KLHL1: variants seen among roughly 807,000 people sequenced by gnomAD.
The protein encoded by KLHL1 is kelch like family member 1, also known as kelch-like protein 1.
KLHL1 carries 47 observed loss-of-function variants against 77.7 expected under a neutral mutation model. The observed-to-expected ratio is 0.60, with a 90% CI of 0.48 to 0.77. The LOEUF (loss-of-function observed/expected upper bound fraction) is 0.77. Ranked by LOEUF, KLHL1 falls within the 30% of genes least tolerant of loss-of-function variation. The probability of loss-of-function intolerance (pLI) is 0.00; values close to 1 mark genes in which losing one functional copy is unlikely to be tolerated. For missense variants in KLHL1, 925 were observed against 910.8 expected (o/e 1.02, Z -0.20); for synonymous variants, 360 against 325.2 (o/e 1.11, Z -1.15).
intron 3 of KLHL1, among the ~76,000 whole-genome samples, chr13:69,953,159 A>G (rs1035742742): frequency 6.6e-6 from 1 of 151,312 alleles, no homozygotes; most frequent in African/African-American, 2.4e-5. Context: ...AAATAAAATT[A>G]GACTTAAAAT....
intron 9 of KLHL1, among the ~76,000 whole-genome samples, chr13:69,716,269 T>A (rs1354452156): frequency 6.6e-6 from 1 of 152,130 alleles, no homozygotes; most frequent in Non-Finnish European, 1.5e-5. Flanking sequence ...TGAGGTTCAT[T>A]TTTCTTAGTG....
At chr13:70,029,068 A>G (rs1886026632) in intron 1 of KLHL1, among the ~76,000 whole-genome samples, 1 of 152,130 alleles carries the variant, frequency 6.6e-6, no homozygotes, top group Admixed American at 6.6e-5. Flanking sequence ...TAACCGCTAT[A>G]TAATGACTGT....
At chr13:70,076,665 A>T (rs1887276088) in intron 1 of KLHL1, among the ~76,000 whole-genome samples, 1 of 151,974 alleles carries the variant, frequency 6.6e-6, no homozygotes, top group African/African-American at 2.4e-5. Context: ...ATTAAAATTA[A>T]AACTTTCTCT....
chr13:69,920,464 G>T (rs1468645193), intron 4 of KLHL1, among the ~76,000 whole-genome samples: 1 of 151,912 alleles, frequency 6.6e-6, no homozygotes, highest in African/African-American at 2.4e-5. Context: ...GAAGAATTTG[G>T]CAAAGTTACT....
intron 6 of KLHL1, among the ~76,000 whole-genome samples, chr13:69,832,183 T>C (rs1193845617): frequency 6.7e-6 from 1 of 149,864 alleles, no homozygotes; most frequent in Non-Finnish European, 1.5e-5. Context: ...ATGATATGAT[T>C]GTATACCTAG....
At chr13:70,042,884 A>G (rs1225594572) in intron 1 of KLHL1, among the ~76,000 whole-genome samples, 1 of 152,250 alleles carries the variant, frequency 6.6e-6, no homozygotes, top group East Asian at 1.9e-4. Context: ...TGGAGGGGGA[A>G]GACAGTGATA....
intron 1 of KLHL1, among the ~76,000 whole-genome samples, chr13:70,081,181 C>A (rs1887382135): frequency 6.6e-6 from 1 of 152,160 alleles, no homozygotes; most frequent in South Asian, 2.1e-4. Flanking sequence ...CTGAAAGCCC[C>A]ATGTCTTGGG....
chr13:69,870,894 TG>T (rs1189383056), intron 5 of KLHL1, among the ~76,000 whole-genome samples: 1 of 152,084 alleles, frequency 6.6e-6, no homozygotes, highest in African/African-American at 2.4e-5. Context: ...GCAGCCCATG[TG>T]GCCGCTCTCA....
chr13:69,730,535 C>G (rs1203105144), intron 8 of KLHL1, among the ~76,000 whole-genome samples: 1 of 152,072 alleles, frequency 6.6e-6, no homozygotes, highest in African/African-American at 2.4e-5. Flanking sequence ...CTATTATCCT[C>G]TATTAGAATT....
chr13:69,713,721 T>A (rs919096798), intron 9 of KLHL1, among the ~76,000 whole-genome samples: 5 of 152,106 alleles, frequency 3.3e-5, no homozygotes, highest in African/African-American at 1.2e-4. Context: ...TTTTTCATAT[T>A]TTAGTTTATA....
chr13:69,814,445 TC>T (rs1878033407), intron 6 of KLHL1, among the ~76,000 whole-genome samples: 1 of 151,984 alleles, frequency 6.6e-6, no homozygotes, highest in Admixed American at 6.6e-5. Flanking sequence ...AAAGAAACTA[TC>T]AACAGAATAA....
intron 1 of KLHL1, among the ~76,000 whole-genome samples, chr13:70,087,543 TA>T (rs77258175): frequency 0.016 from 2,161 of 135,808 alleles, 16 homozygotes; most frequent in African/African-American, 0.031. Context: ...TAAAAGGACT[TA>T]AAAAAAAAAA....
At chr13:69,811,577 G>C (rs1389168129) in intron 6 of KLHL1, among the ~76,000 whole-genome samples, 1 of 152,046 alleles carries the variant, frequency 6.6e-6, no homozygotes, top group East Asian at 1.9e-4. Flanking sequence ...ACAAGACAAG[G>C]ATGTTCACTA....
chr13:69,751,739 A>G (rs1204813849), intron 7 of KLHL1, among the ~76,000 whole-genome samples: 1 of 152,114 alleles, frequency 6.6e-6, no homozygotes, highest in Non-Finnish European at 1.5e-5. Flanking sequence ...CAGAGACATG[A>G]TGTATCTGCC....
intron 3 of KLHL1, among the ~76,000 whole-genome samples, chr13:69,953,901 C>T (rs1883789018): frequency 6.6e-6 from 1 of 151,182 alleles, no homozygotes; most frequent in Non-Finnish European, 1.5e-5. Flanking sequence ...GAATAATCAT[C>T]ATAATTGAGT....
intron 4 of KLHL1, among the ~76,000 whole-genome samples, chr13:69,887,330 G>C (rs961410165): frequency 6.6e-6 from 1 of 152,100 alleles, no homozygotes; most frequent in Non-Finnish European, 1.5e-5. Flanking sequence ...GGCCACAGTG[G>C]CTGTTTCCTC....
At chr13:69,786,830 T>C (rs1566252802) in intron 7 of KLHL1, among the ~76,000 whole-genome samples, 2 of 152,118 alleles carry the variant, frequency 1.3e-5, no homozygotes, top group Non-Finnish European at 2.9e-5. Flanking sequence ...AAAATCAATG[T>C]ACAAAAATCA....
At chr13:69,708,846 C>G (rs1055207028) in intron 9 of KLHL1, among the ~76,000 whole-genome samples, 4 of 151,890 alleles carry the variant, frequency 2.6e-5, no homozygotes, top group African/African-American at 9.7e-5. Context: ...GATTTTCTGA[C>G]AAACACAGCA....
At chr13:69,942,635 C>T (rs143412796) in intron 3 of KLHL1, among the ~76,000 whole-genome samples, 1,562 of 152,158 alleles carry the variant, frequency 0.01, 26 homozygotes, top group African/African-American at 0.035. Context: ...ATATAACCTT[C>T]ATCTGGCTTC....
Sources: allele counts gnomAD v4.1 joint callset (sites outside exome capture counted in the v4.1 genomes callset), GRCh38; gene constraint gnomAD v4.1.1; transcripts MANE v1.5; gene names NCBI Gene and HGNC (gene_info 2026-07-23, HGNC 2026-07-21).